Variants in CDC27 observed in about 807,000 individuals in gnomAD.
CDC27 encodes the protein cell division cycle protein 27 homolog.
In CDC27, 27 loss-of-function variants were observed where a neutral mutation model predicts 109.7. The ratio of observed to expected loss-of-function variants is 0.25; its 90% CI spans 0.18 to 0.34. CDC27 has a LOEUF of 0.34. Ranked by LOEUF, CDC27 falls within the 10% of genes least tolerant of loss-of-function variation. The pLI is 1.00. For missense variants in CDC27, 579 were observed against 960.2 expected, an observed-to-expected ratio of 0.60 and a Z score of 5.25; for synonymous variants, 266 against 333.9, an observed-to-expected ratio of 0.80 and a Z score of 2.22.
chr17:47,132,013 A>G (rs953074537), intron 15 of CDC27, among the ~76,000 whole-genome samples: 3 of 148,448 alleles, frequency 2.0e-5, no homozygotes, highest in Non-Finnish European at 4.4e-5. Context: ...CTATGAGGTA[A>G]GCAAGTAGTA....
intron 9 of CDC27, among the ~76,000 whole-genome samples, chr17:47,145,414 G>C (rs113063013): frequency 2.2e-4 from 33 of 152,228 alleles, no homozygotes; most frequent in African/African-American, 7.5e-4. Context: ...GATCAGTGTA[G>C]GTGTTTGAGT....
At chr17:47,184,307 C>T (rs72823438) in intron 1 of CDC27, among the ~76,000 whole-genome samples, 5,063 of 152,240 alleles carry the variant, frequency 0.033, 132 homozygotes, top group Non-Finnish European at 0.043. Context: ...CTTTTCCTTG[C>T]CAATCTCTTA....
intron 2 of CDC27, among the ~76,000 whole-genome samples, chr17:47,179,730 T>C (rs2064152938): frequency 2.6e-5 from 4 of 152,160 alleles, no homozygotes; most frequent in Admixed American, 2.0e-4. Context: ...AGGTTCTATA[T>C]TGAAAGAAAC....
intron 4 of CDC27, among the ~76,000 whole-genome samples, chr17:47,167,042 ACAAGGTTTCAC>A (rs2063670429): frequency 6.6e-6 from 1 of 152,136 alleles, no homozygotes; most frequent in Non-Finnish European, 1.5e-5. Context: ...TTTAGTAGAG[ACAAGGTTTCAC>A]CATGTTGGCC....
At chr17:47,152,060 ATAT>A (rs1355934406) in intron 8 of CDC27, 142 bp from the exon 9 acceptor site, 2 of 538,702 alleles carry the variant, frequency 3.7e-6, no homozygotes, top group African/African-American at 2.0e-5. Flanking sequence ...TATTTATATC[ATAT>A]TGTTAATTAT....
Position 47,151,821 on chromosome 17 carries a change from G to A in CDC27, c.1055C>T (p.Ser352Phe). The change falls in exon 9 of 19, where the codon TCT becomes TTT. Residue 352 changes from serine to phenylalanine, a missense_variant. Transcript: ENST00000066544. ...TGATAAATACCTTGTTTGTGGACCA[G>A]AACTTTGTGTTTGTGCAAGAATTGG... ...VTPILAQTQS[S>F]GPQTSTTPQV... The A allele has an allele frequency of 6.3e-7, 1 of 1,599,746 alleles. No individual in the cohort carries two copies. Among genetic ancestry groups the A allele is most frequent in the East Asian group, 2.3e-5 (1 of 44,268 alleles).
At chr17:47,158,184 C>G (rs1427732792) in intron 5 of CDC27, 22 bp downstream of exon 5, 1 of 1,162,450 alleles carries the variant, frequency 8.6e-7, no homozygotes, top group Non-Finnish European at 1.2e-6. Flanking sequence ...AACCCACCCA[C>G]CTCTCAACCC....
intron 8 of CDC27, among the ~76,000 whole-genome samples, chr17:47,153,035 A>G (rs908414492): frequency 1.3e-5 from 2 of 152,188 alleles, no homozygotes; most frequent in African/African-American, 4.8e-5. Flanking sequence ...CACCACTTCA[A>G]AATAAAACTT....
chr17:47,138,427 A>G lies in CDC27; in HGVS notation c.1704+312T>C, dbSNP rs184805890. Reference sequence around the variant, plus strand: ...ACAATACTAATTTATTTTAATTTAAAATTATTAATTTTTTCAATCTATGTA... The same window carrying G: ...ACAATACTAATTTATTTTAATTTAAGATTATTAATTTTTTCAATCTATGTA... On this transcript the variant is annotated intron_variant, in intron 13 of 18. Transcript: ENST00000066544. 1.8e-3 allele frequency among the ~76,000 whole-genome samples: 275 copies of G among 152,316 alleles called. 1 individual carries two copies. Among genetic ancestry groups the G allele is most frequent in the Non-Finnish European group, 3.1e-3 (209 of 68,038 alleles).
chr17:47,138,539 T>C (rs189484779), intron 13 of CDC27, among the ~76,000 whole-genome samples, 200 bp downstream of exon 13: 2 of 152,274 alleles, frequency 1.3e-5, no homozygotes, highest in African/African-American at 4.8e-5. Context: ...AATAGCTGCT[T>C]TGTGATTTTT....
intron 16 of CDC27, among the ~76,000 whole-genome samples, chr17:47,127,863 T>C (rs1205101464): frequency 6.6e-6 from 1 of 151,540 alleles, no homozygotes; most frequent in Admixed American, 6.6e-5. Context: ...TCACCACACC[T>C]GGCTAATTTT....
Position 47,137,272 on chromosome 17 carries a change from G to C in CDC27, c.1793C>G (p.Pro598Arg). 1.2e-6 allele frequency: 2 copies of C among 1,611,132 alleles called. No individual in the cohort carries two copies. Among genetic ancestry groups the C allele is most frequent in the African/African-American group, 2.7e-5 (2 of 74,958 alleles). ...TAGAGTATAGGCATAAGCGTAATTT[G>C]GATCAACTTGGATAGCTCTCTGGAA... ...KFFQRAIQVD[P>R]NYAYAYTLLG... Residue 598 changes from proline to arginine, a missense_variant, in exon 14 of 19, where the codon CCA (proline) becomes CGA (arginine). Pro to Arg is a moderately radical substitution (Grantham distance 103). Coordinates refer to ENST00000066544, the MANE Select transcript of CDC27 (RefSeq NM_001256.6).
intron 9 of CDC27, among the ~76,000 whole-genome samples, chr17:47,147,205 C>T (rs1253009172): frequency 6.6e-6 from 1 of 151,792 alleles, no homozygotes; most frequent in East Asian, 1.9e-4. Flanking sequence ...TCGAGACCAT[C>T]CTGGCTAACA....
chr17:47,136,842 CG>C (rs2062615637), intron 14 of CDC27, among the ~76,000 whole-genome samples: 1 of 151,838 alleles, frequency 6.6e-6, no homozygotes, highest in Non-Finnish European at 1.5e-5. Context: ...TTTCGGTGTT[CG>C]AAGAAAAAGC....
chr17:47,128,810 G>T (rs948858397), intron 16 of CDC27, among the ~76,000 whole-genome samples: 5 of 142,420 alleles, frequency 3.5e-5, no homozygotes, highest in Non-Finnish European at 4.5e-5. Flanking sequence ...TCGCTCTGTC[G>T]CCCAGGCTGG....
chr17:47,129,969 A>T (rs898152932), intron 15 of CDC27, among the ~76,000 whole-genome samples: 4 of 137,704 alleles, frequency 2.9e-5, no homozygotes, highest in Non-Finnish European at 6.3e-5. Context: ...GCGGTCTTTC[A>T]AATATTAGAC....
chr17:47,137,945 T>C (rs1371301018), intron 13 of CDC27, among the ~76,000 whole-genome samples: 1 of 151,990 alleles, frequency 6.6e-6, no homozygotes, highest in Non-Finnish European at 1.5e-5. Flanking sequence ...GGACCACAGA[T>C]GCCAGCCACC....
In CDC27 at chr17:47,157,252, G is replaced by T. The variant is rs201098929; in HGVS notation, c.608C>A (p.Thr203Lys). 1 of 1,610,084 alleles carries T rather than the reference G, an allele frequency of 6.2e-7. No homozygotes were observed. The highest frequency in any genetic ancestry group is 1.7e-5 in the Admixed American group (1 of 59,536). Residue 203 changes from threonine (T) to lysine (K), a missense_variant, in exon 6 of 19, where the codon ACG becomes AAG. By Grantham distance (78) the Thr-to-Lys change is moderately conservative. Around this residue, in one of 9 missense-constraint regions of CDC27, gnomAD observed 57 missense variants for 59.0 expected, o/e 0.97. Transcript: ENST00000066544. ...LSHRQPETVL[T>K]ETPQDTIELN... is the part of the protein sequence containing the mutation. ...TACAATTGTGTCCTGGGGTGTTTCC[G>T]TAAGAACTGTCTCAGGCTGTCTGTG...
rs373116386 is a variant in CDC27, at chr17:47,132,408, T to C, written c.1914-34A>G. The C allele has an allele frequency of 6.4e-6, 7 of 1,091,206 alleles. No homozygotes were observed. The Admixed American group carries it at 1.7e-4, about 26-fold the overall frequency. 67.6% of individuals were successfully genotyped at this position (1,091,206 alleles called of 1,614,324 possible). A position where few individuals can be genotyped will look rare whatever the true frequency, so the allele number is the denominator to read the frequency against. On this transcript the variant is annotated intron_variant, in intron 14 of 18. Coordinates refer to ENST00000066544, the MANE Select transcript of CDC27 (RefSeq NM_001256.6). ...ATAAAACAAAGTATAATTTTAAAAA[T>C]ATAAAGTTTAGGTTGCTAATTTAGT...
Sources: allele counts gnomAD v4.1 joint callset (sites outside exome capture counted in the v4.1 genomes callset), GRCh38; gene constraint gnomAD v4.1.1; regional missense constraint gnomAD v4.1.1; transcripts MANE v1.5; gene names NCBI Gene and HGNC (gene_info 2026-07-23, HGNC 2026-07-21).